The following CALD1 variants were observed in gnomAD, a reference collection of about 807,000 sequenced individuals.
CALD1 encodes the protein caldesmon 1.
Under a neutral mutation model 99.9 loss-of-function variants are expected in CALD1, and 33 were observed. The observed-to-expected ratio is 0.33, with a 90% CI of 0.25 to 0.44. The LOEUF is 0.44. CALD1 is among the 20% of genes least tolerant of loss of function. CALD1 has a pLI of 1.00. For missense variants in CALD1, 861 were observed against 962.1 expected, an observed-to-expected ratio of 0.89 and a Z score of 1.39; for synonymous variants, 310 against 325.0, an observed-to-expected ratio of 0.95 and a Z score of 0.50.
At chr7:134,845,443 T>C (rs1270711306) in intron 2 of CALD1, among the ~76,000 whole-genome samples, 1 of 151,880 alleles carries the variant, frequency 6.6e-6, no homozygotes, top group Non-Finnish European at 1.5e-5. Flanking sequence ...AGGAGAAAAA[T>C]TGAAAGAAAG....
intron 1 of CALD1, among the ~76,000 whole-genome samples, chr7:134,796,119 A>G (rs1797734938): frequency 6.6e-6 from 1 of 152,192 alleles, no homozygotes; most frequent in African/African-American, 2.4e-5. Context: ...TGAGGTTTTA[A>G]GTTTTTAAAG....
chr7:134,771,124 T>C (rs6968336), intron 1 of CALD1, among the ~76,000 whole-genome samples: 3,666 of 152,278 alleles, frequency 0.024, 68 homozygotes, highest in Non-Finnish European at 0.036. Context: ...GCTGTAAATA[T>C]TGGGGTGTTA....
At position 134,928,813 on chromosome 7, in the gene CALD1, G is replaced by A. The variant is rs144711541; in HGVS notation, c.131G>A (p.Arg44Gln). The A allele has an allele frequency of 6.2e-6, 10 of 1,613,940 alleles. No individual in the cohort carries two copies. The Admixed American group carries it at 1.2e-4, about 19-fold the overall frequency. ...GAGGCAGCCCGGGAACGGCGCCGCC[G>A]AGCCCGACAGGAACGGCTGCGGCAG... ...EEEAARERRR[R>Q]ARQERLRQKQ... Residue 44 changes from arginine to glutamine, a missense_variant, in exon 4 of 15, where the codon CGA (arginine) becomes CAA (glutamine). This residue lies in a region of CALD1 where 123 missense variants were observed against 169.8 expected (regional missense o/e 0.72). Transcript: ENST00000361675.
At chr7:134,932,159 G>C (rs73728009) in intron 4 of CALD1, among the ~76,000 whole-genome samples, 4,189 of 152,172 alleles carry the variant, frequency 0.028, 183 homozygotes, top group African/African-American at 0.095. Context: ...CACATGGCCC[G>C]CCTAGGTGCA....
chr7:134,728,845 C>CTTTTTTTTTTTTTT, the CALD1 span, among the ~76,000 whole-genome samples: 1 of 124,228 alleles, frequency 8.0e-6, no homozygotes, highest in South Asian at 2.6e-4. Flanking sequence ...TATACCTTTT[C>CTTTTTTTTTTTTTT]TTTTTTTTTT....
At chr7:134,885,427 C>A (rs1228883493) in intron 3 of CALD1, among the ~76,000 whole-genome samples, 1 of 152,064 alleles carries the variant, frequency 6.6e-6, no homozygotes, top group Non-Finnish European at 1.5e-5. Flanking sequence ...GGTCTGACCA[C>A]CCCCCAAAAA....
chr7:134,907,985 T>TTTC (rs3062416), intron 3 of CALD1, among the ~76,000 whole-genome samples: 14,919 of 152,208 alleles, frequency 0.098, 1,167 homozygotes, highest in East Asian at 0.42. Flanking sequence ...ACCTAGGTTT[T>TTTC]TTCTCTTTTT....
At chr7:134,791,904 G>C (rs145711050) in intron 1 of CALD1, among the ~76,000 whole-genome samples, 2,626 of 152,340 alleles carry the variant, frequency 0.017, 38 homozygotes, top group Non-Finnish European at 0.028. Context: ...AAGAGAGCTT[G>C]TGCAGGGGAA....
chr7:134,920,709 G>C, intron 3 of CALD1: 1 of 1,284,652 alleles, frequency 7.8e-7, no homozygotes, highest in South Asian at 1.2e-5. Context: ...CCGGTCAACT[G>C]TCTACTGGCC....
At chr7:134,869,920 G>A (rs1195897244) in intron 3 of CALD1, among the ~76,000 whole-genome samples, 3 of 152,194 alleles carry the variant, frequency 2.0e-5, no homozygotes, top group Non-Finnish European at 4.4e-5. Context: ...GAGAACCAGG[G>A]AGAGTATGAG....
At chr7:134,773,361 A>C in intron 1 of CALD1, among the ~76,000 whole-genome samples, 1 of 148,132 alleles carries the variant, frequency 6.8e-6, no homozygotes, top group South Asian at 2.1e-4. Flanking sequence ...TGCGGCCTCC[A>C]CCTCCTGGGC....
chr7:134,746,595 C>A (rs1409356707), intron 1 of CALD1, among the ~76,000 whole-genome samples: 1 of 141,584 alleles, frequency 7.1e-6, no homozygotes, highest in Non-Finnish European at 1.5e-5. Context: ...TTGTGGTGAA[C>A]TAACTATTAA....
chr7:134,810,474 A>T (rs993859160), intron 1 of CALD1, among the ~76,000 whole-genome samples: 1 of 152,168 alleles, frequency 6.6e-6, no homozygotes, highest in Non-Finnish European at 1.5e-5. Context: ...CTGTTTTTCA[A>T]AGAGTCAATA....
chr7:134,845,561 G>A (rs1799818180), intron 2 of CALD1, among the ~76,000 whole-genome samples: 1 of 152,198 alleles, frequency 6.6e-6, no homozygotes, highest in Non-Finnish European at 1.5e-5. Flanking sequence ...AAAACTGTTC[G>A]GGGATCCAAG....
chr7:134,933,657 A>G lies in CALD1; in HGVS notation c.888A>G (p.Glu296=), dbSNP rs771697836. The change falls in exon 5 of 15, where the codon GAA becomes GAG. Residue 296 remains glutamate, a synonymous_variant. Coordinates refer to ENST00000361675, the MANE Select transcript of CALD1 (RefSeq NM_033138.4). ...TAGCAGATGAACGAGCAAGAATTGA[A>G]GCAGAAGAAAAAGCAGCTGCCCAAG... The part of the protein sequence containing the change: ...KKIADERARI[E]AEEKAAAQER... 1.2e-6 allele frequency: 2 copies of G among 1,603,356 alleles called. No individual in the cohort carries two copies. The highest frequency in any genetic ancestry group is 2.2e-5 in the South Asian group (2 of 89,124).
intron 3 of CALD1, among the ~76,000 whole-genome samples, chr7:134,915,563 C>T (rs1227390855): frequency 6.6e-6 from 1 of 152,116 alleles, no homozygotes; most frequent in Non-Finnish European, 1.5e-5. Context: ...GAAATCTGTT[C>T]CAGGAGAGAC....
chr7:134,933,695 G>C lies in CALD1; in HGVS notation c.926G>C (p.Arg309Thr). The C allele has an allele frequency of 6.3e-7, 1 of 1,581,412 alleles. No homozygotes were observed. Among genetic ancestry groups the C allele is most frequent in the Non-Finnish European group, 8.6e-7 (1 of 1,162,500 alleles). ...GCAGCTGCCCAAGAAAGAGAAAGGA[G>C]AGAGGCAGAAGAGAGGGAAAGGATG... ...EKAAAQERER[R>T]EAEERERMRE... Residue 309 changes from arginine to threonine, a missense_variant, in exon 5 of 15, where the codon AGA becomes ACA. Transcript: ENST00000361675.
At chr7:134,965,102 TGA>T (rs1808569723) in intron 13 of CALD1, 1 of 444,566 alleles carries the variant, frequency 2.2e-6, no homozygotes, top group East Asian at 4.4e-5. Context: ...GGCTACAGAG[TGA>T]GACTCTGTCT....
chr7:134,795,699 G>C (rs1316000265), intron 1 of CALD1, among the ~76,000 whole-genome samples: 1 of 151,940 alleles, frequency 6.6e-6, no homozygotes. Flanking sequence ...TGATATGGCT[G>C]GAAATGTGCT....
Sources: gnomAD v4.1 joint callset for allele counts (sites outside exome capture counted in the v4.1 genomes callset) on GRCh38, gnomAD v4.1.1 for gene constraint, gnomAD v4.1.1 regional missense constraint, MANE v1.5 for transcripts, NCBI Gene and HGNC (gene_info 2026-07-23, HGNC 2026-07-21) for gene names.